Variants in LSM14A observed in about 807,000 individuals in gnomAD.
LSM14A encodes protein LSM14 homolog A.
A neutral mutation model predicts 52.4 loss-of-function variants in LSM14A; 14 were observed. The observed-to-expected ratio is 0.27, with a 90% CI of 0.18 to 0.42. LSM14A has a LOEUF of 0.42. LSM14A is among the 10% of genes least tolerant of loss of function. The pLI, the probability that LSM14A is intolerant of heterozygous loss-of-function variation, is 1.00. For synonymous variants in LSM14A, 185 were observed against 200.3 expected (o/e 0.92, Z 0.64); for missense variants, 417 against 581.8 (o/e 0.72, Z 2.91).
rs747256823 is a variant in LSM14A, at chr19:34,173,423, C to T, written c.121+660C>T. On this transcript the variant is annotated intron_variant, in intron 1 of 9. Transcript: ENST00000544216. ...AAATGCTTGCTGCTGCCCCGACGCC[C>T]CTGTTTCTGGAAACGGGTTCAAGCT... is the stretch of plus-strand genomic sequence containing the variant. 4.6e-5 allele frequency among the ~76,000 whole-genome samples: 7 copies of T among 152,156 alleles called. No individual in the cohort carries two copies. In the South Asian group the frequency reaches 6.2e-4, roughly 14 times the overall value.
At chr19:34,203,936 A>C (rs560839766) in intron 3 of LSM14A, among the ~76,000 whole-genome samples, 3 of 151,868 alleles carry the variant, frequency 2.0e-5, no homozygotes, top group Non-Finnish European at 4.4e-5. Flanking sequence ...AGGCCCAACT[A>C]TATTATGTTT....
intron 1 of LSM14A, among the ~76,000 whole-genome samples, chr19:34,178,547 A>G (rs1225885202): frequency 6.6e-6 from 1 of 152,200 alleles, no homozygotes; most frequent in Non-Finnish European, 1.5e-5. Context: ...CATGACTTAC[A>G]CTTAATCTTC....
chr19:34,172,861 C>A, intron 1 of LSM14A, 98 bp downstream of exon 1: 1 of 1,358,184 alleles, frequency 7.4e-7, no homozygotes, highest in Non-Finnish European at 9.7e-7. Context: ...TCCCCTCCCT[C>A]CGTCGAGCTC....
chr19:34,209,985 T>C (rs970769524), intron 4 of LSM14A, among the ~76,000 whole-genome samples: 6 of 152,314 alleles, frequency 3.9e-5, no homozygotes, highest in Admixed American at 2.6e-4. Context: ...CCCCAGTAGC[T>C]GGGGCTACAG....
chr19:34,224,350 C>T (rs896600034), intron 9 of LSM14A, among the ~76,000 whole-genome samples: 3 of 152,160 alleles, frequency 2.0e-5, no homozygotes, highest in Non-Finnish European at 4.4e-5. Context: ...AAAAAACAAA[C>T]CTTCCATGCA....
At chr19:34,175,521 C>T (rs944628067) in intron 1 of LSM14A, among the ~76,000 whole-genome samples, 3 of 152,146 alleles carry the variant, frequency 2.0e-5, no homozygotes, top group East Asian at 1.9e-4. Context: ...CATGAGCCAC[C>T]GCACCCGGCT....
intron 3 of LSM14A, among the ~76,000 whole-genome samples, chr19:34,201,671 C>A (rs2071300743): frequency 1.3e-5 from 2 of 152,042 alleles, no homozygotes; most frequent in Admixed American, 1.3e-4. Flanking sequence ...CAAAGTAAAC[C>A]ACATTTTAAG....
At chr19:34,197,045 A>G (rs1339699481) in intron 3 of LSM14A, among the ~76,000 whole-genome samples, 1 of 151,796 alleles carries the variant, frequency 6.6e-6, no homozygotes, top group Non-Finnish European at 1.5e-5. Context: ...ACCAAATTGG[A>G]TATACTAGGT....
intron 1 of LSM14A, among the ~76,000 whole-genome samples, chr19:34,177,755 A>G (rs531651457): frequency 1.7e-4 from 25 of 145,982 alleles, no homozygotes; most frequent in African/African-American, 6.3e-4. Context: ...TTAGCCAAGC[A>G]TGGTGGCATG....
intron 4 of LSM14A, among the ~76,000 whole-genome samples, chr19:34,214,741 C>T (rs1395189128): frequency 7.9e-5 from 12 of 151,536 alleles, no homozygotes; most frequent in Admixed American, 6.6e-5. Context: ...TTGTCATTGG[C>T]GAAAGCCTGT....
At chr19:34,208,899 T>G (rs2071914861) in intron 3 of LSM14A, 30 bp from the exon 4 acceptor site, 1 of 1,490,466 alleles carries the variant, frequency 6.7e-7, no homozygotes. Flanking sequence ...TTTTTAAAAT[T>G]TTTTTATCAT....
intron 1 of LSM14A, among the ~76,000 whole-genome samples, chr19:34,175,635 A>G (rs1004090115): frequency 6.6e-6 from 1 of 152,218 alleles, no homozygotes; most frequent in Non-Finnish European, 1.5e-5. Context: ...AGTCTACATG[A>G]TATTATCTAA....
At chr19:34,196,898 A>G in intron 3 of LSM14A, 135 bp downstream of exon 3, 1 of 749,600 alleles carries the variant, frequency 1.3e-6, no homozygotes, top group Non-Finnish European at 2.0e-6. Flanking sequence ...TGGTATTCAG[A>G]ACACATTTTG....
At chr19:34,220,774 G>T (rs1281176609) in intron 8 of LSM14A, among the ~76,000 whole-genome samples, 2 of 152,110 alleles carry the variant, frequency 1.3e-5, no homozygotes, top group Non-Finnish European at 2.9e-5. Flanking sequence ...ACTTGGTATC[G>T]GGTCCATAGA....
chr19:34,209,554 C>G (rs1568491883), intron 4 of LSM14A, among the ~76,000 whole-genome samples: 1 of 152,110 alleles, frequency 6.6e-6, no homozygotes, highest in Non-Finnish European at 1.5e-5. Flanking sequence ...TCCCTGGAGC[C>G]TGAGGATTTA....
intron 3 of LSM14A, among the ~76,000 whole-genome samples, chr19:34,200,451 G>A (rs1253595858): frequency 6.6e-6 from 1 of 152,138 alleles, no homozygotes; most frequent in Admixed American, 6.5e-5. Flanking sequence ...AATCATATGG[G>A]AAAGTGTTTT....
intron 1 of LSM14A, among the ~76,000 whole-genome samples, chr19:34,177,903 G>A (rs1472251868): frequency 6.6e-6 from 1 of 152,020 alleles, no homozygotes; most frequent in Non-Finnish European, 1.5e-5. Flanking sequence ...ATGATAGCCT[G>A]TAATCCCAGC....
intron 9 of LSM14A, among the ~76,000 whole-genome samples, chr19:34,222,544 TAA>T: frequency 6.6e-6 from 1 of 152,326 alleles, no homozygotes; most frequent in Middle Eastern, 3.4e-3. Context: ...CAAAATCTTG[TAA>T]AGAGTTCCAC....
chr19:34,224,912 T>C (rs937669519), intron 9 of LSM14A, among the ~76,000 whole-genome samples: 1 of 152,232 alleles, frequency 6.6e-6, no homozygotes, highest in Non-Finnish European at 1.5e-5. Flanking sequence ...GGTCCCCCCT[T>C]TCACTTATCC....
Sources: allele counts gnomAD v4.1 joint callset (sites outside exome capture counted in the v4.1 genomes callset), GRCh38; gene constraint gnomAD v4.1.1; transcripts MANE v1.5; gene names NCBI Gene and HGNC (gene_info 2026-07-23, HGNC 2026-07-21).